The following CALD1 variants were observed in gnomAD, a reference collection of about 807,000 sequenced individuals.
CALD1 encodes the protein caldesmon 1.
A neutral mutation model predicts 99.9 loss-of-function variants in CALD1; 33 were observed. The observed-to-expected ratio is 0.33, with a 90% CI of 0.25 to 0.44. The LOEUF (loss-of-function observed/expected upper bound fraction) is 0.44. Ranked by LOEUF, CALD1 falls within the 20% of genes least tolerant of loss-of-function variation. The pLI is 1.00. For missense variants in CALD1, 861 were observed against 962.1 expected (o/e 0.89, Z 1.39); for synonymous variants, 310 against 325.0 (o/e 0.95, Z 0.50).
At chr7:134,725,791 C>T in the CALD1 span, among the ~76,000 whole-genome samples, 1 of 152,314 alleles carries the variant, frequency 6.6e-6, no homozygotes, top group Non-Finnish European at 1.5e-5. Context: ...GATGCCACCA[C>T]AAGTGTCATC....
At chr7:134,897,625 T>C (rs1177155083) in intron 3 of CALD1, among the ~76,000 whole-genome samples, 4 of 152,082 alleles carry the variant, frequency 2.6e-5, no homozygotes, top group Non-Finnish European at 5.9e-5. Context: ...GGAAGCTATG[T>C]TGGCTGGTGA....
Position 134,963,872 on chromosome 7 carries a change from A to T in CALD1, c.2296-1434A>T, listed in dbSNP as rs148548956. Among the ~76,000 whole-genome samples, 118 of 152,292 alleles carry T rather than the reference A, an allele frequency of 7.7e-4. 2 individuals carry two copies. In the East Asian group the frequency reaches 0.021, roughly 27 times the overall value. On this transcript the variant is annotated intron_variant, in intron 13 of 14. Coordinates refer to ENST00000361675, the MANE Select transcript of CALD1 (RefSeq NM_033138.4). The stretch of plus-strand genomic sequence containing the variant: ...CCCACTTGCCCCTCGGGAGACACAT[A>T]ATGATTTTAGGGTGAGGAAAATGCT...
intron 5 of CALD1, among the ~76,000 whole-genome samples, chr7:134,935,062 T>A (rs960757303): frequency 1.3e-5 from 2 of 152,142 alleles, no homozygotes; most frequent in Non-Finnish European, 2.9e-5. Context: ...TTTAGGGTAG[T>A]ATTGATTTAT....
intron 1 of CALD1, among the ~76,000 whole-genome samples, chr7:134,752,961 G>GACAGCACCAC (rs1329553195): frequency 2.9e-5 from 4 of 137,190 alleles, no homozygotes; most frequent in Non-Finnish European, 4.5e-5. Context: ...AGTGAGCCGA[G>GACAGCACCAC]ACAGCACCAC....
rs964515625 is a variant in CALD1, at chr7:134,911,198, CTT to C, written c.72-17537_72-17536del. Among the ~76,000 whole-genome samples the C allele has an allele frequency of 6.2e-3, 735 of 118,080 alleles. 4 individuals carry two copies. Among genetic ancestry groups the C allele is most frequent in the Admixed American group, 9.3e-3 (108 of 11,556 alleles). 77.5% of individuals were successfully genotyped at this position (118,080 alleles called of 152,430 possible). On this transcript the variant is annotated intron_variant, in intron 3 of 14. Transcript: ENST00000361675. ...AAACCTGAGAGGTCATTTCCTTTTT[CTT>C]TTTTTTTTTTTTTTTTTTGGTGAAT...
intron 1 of CALD1, among the ~76,000 whole-genome samples, chr7:134,745,859 T>C (rs1376123860): frequency 6.6e-6 from 1 of 152,250 alleles, no homozygotes; most frequent in African/African-American, 2.4e-5. Context: ...CAATTCTTGT[T>C]CTTTTTGCTG....
Position 134,947,521 on chromosome 7 carries a change from A to AG in CALD1, c.1549dup (p.Ala517GlyfsTer9). 6.4e-7 allele frequency: 1 copy of AG among 1,568,898 alleles called. No homozygotes were observed. The highest frequency in any genetic ancestry group is 8.6e-7 in the Non-Finnish European group (1 of 1,156,616). On this transcript the variant is annotated frameshift_variant, in exon 8 of 15. Coordinates refer to ENST00000361675, the MANE Select transcript of CALD1 (RefSeq NM_033138.4). LOFTEE classifies it high-confidence loss of function. The stretch of plus-strand genomic sequence containing the variant: ...CCCCAACCACAGCCGCCCTGGAGGG[A>AG]GGGCCAGCGTGGACACCAAGGAGGC...
Position 134,878,768 on chromosome 7 carries a change from C to A in CALD1, c.71+10964C>A, listed in dbSNP as rs138335635. ...CTTGAGCCCAGAAGTTTGAGACCAGCCTGAGCAACATAGGAAGACCTCATC... is the reference window on the plus strand; with the variant it reads ...CTTGAGCCCAGAAGTTTGAGACCAGACTGAGCAACATAGGAAGACCTCATC... On this transcript the variant is annotated intron_variant, in intron 3 of 14. Coordinates refer to ENST00000361675, the MANE Select transcript of CALD1 (RefSeq NM_033138.4). Among the ~76,000 whole-genome samples, 12 of 151,596 alleles carry A rather than the reference C, an allele frequency of 7.9e-5. No homozygotes were observed. In the East Asian group the frequency reaches 2.3e-3, roughly 29 times the overall value.
chr7:134,878,153 T>G (rs1269136739), intron 3 of CALD1, among the ~76,000 whole-genome samples: 3 of 152,120 alleles, frequency 2.0e-5, no homozygotes, highest in East Asian at 3.8e-4. Context: ...TCATACGAAT[T>G]TAGGTACTAG....
intron 1 of CALD1, among the ~76,000 whole-genome samples, chr7:134,835,913 A>T (rs1393569651): frequency 6.6e-6 from 1 of 152,108 alleles, no homozygotes; most frequent in East Asian, 1.9e-4. Flanking sequence ...TGGGAGGCCG[A>T]GTCAGGCGGA....
At chr7:134,790,675 A>G (rs911779240) in intron 1 of CALD1, among the ~76,000 whole-genome samples, 4 of 152,330 alleles carry the variant, frequency 2.6e-5, no homozygotes, top group Admixed American at 2.0e-4. Flanking sequence ...ATCTAGACCT[A>G]GAGCAGTTAA....
chr7:134,951,364 G>A (rs771605693), intron 9 of CALD1, among the ~76,000 whole-genome samples: 8 of 152,158 alleles, frequency 5.3e-5, no homozygotes, highest in East Asian at 1.9e-4. Context: ...AATGACATTC[G>A]GTGATTATCT....
intron 3 of CALD1, among the ~76,000 whole-genome samples, chr7:134,907,001 C>T (rs1803438711): frequency 6.6e-6 from 1 of 152,276 alleles, no homozygotes; most frequent in African/African-American, 2.4e-5. Context: ...GAGCCAATTT[C>T]CTCAACTATG....
intron 3 of CALD1, among the ~76,000 whole-genome samples, chr7:134,916,371 T>C (rs929276801): frequency 6.6e-6 from 1 of 151,868 alleles, no homozygotes; most frequent in African/African-American, 2.4e-5. Context: ...GCCACTCGAG[T>C]GGAAAGGAGC....
rs1403601060 is a variant in CALD1, at chr7:134,886,051, T to C, written c.71+18247T>C. On this transcript the variant is annotated intron_variant, in intron 3 of 14. Coordinates refer to ENST00000361675, the MANE Select transcript of CALD1 (RefSeq NM_033138.4). ...TCAGGAAAAGAAAATAGTCCAGTTGTTTAAAAAACCCTGGATTTTAAAAAG... is the reference window on the plus strand; with the variant it reads ...TCAGGAAAAGAAAATAGTCCAGTTGCTTAAAAAACCCTGGATTTTAAAAAG... Among the ~76,000 whole-genome samples the C allele has an allele frequency of 2.6e-5, 4 of 152,240 alleles. No homozygotes were observed. In the East Asian group the frequency reaches 7.7e-4, roughly 29 times the overall value.
rs761031070 is a variant in CALD1, at chr7:134,933,965, T to C, written c.1196T>C (p.Met399Thr). The change falls in exon 5 of 15, where the codon ATG (methionine) becomes ACG (threonine). Residue 399 changes from methionine to threonine, a missense_variant. Physicochemically the swap from Met to Thr is moderately conservative, Grantham distance 81 (BLOSUM62 -1). Transcript: ENST00000361675. ...NKQLEEKKHA[M>T]QETKIKGEKV... ...CAGCTAGAAGAGAAAAAACATGCCA[T>C]GCAAGAGACAAAGATAAAAGGGGAA... The C allele has an allele frequency of 7.4e-6, 12 of 1,613,828 alleles. No homozygotes were observed. Among genetic ancestry groups the C allele is most frequent in the Non-Finnish European group, 9.3e-6 (11 of 1,179,962 alleles).
chr7:134,813,359 T>C (rs572505212), intron 1 of CALD1, among the ~76,000 whole-genome samples: 26 of 152,272 alleles, frequency 1.7e-4, no homozygotes, highest in Admixed American at 5.9e-4. Context: ...TATTTTGACA[T>C]GCTTGTATGA....
intron 3 of CALD1, among the ~76,000 whole-genome samples, chr7:134,880,592 C>T (rs1801552326): frequency 6.6e-6 from 1 of 152,144 alleles, no homozygotes; most frequent in Admixed American, 6.5e-5. Flanking sequence ...TCTTCTGTTT[C>T]TCTCATCAAA....
intron 1 of CALD1, among the ~76,000 whole-genome samples, chr7:134,827,335 A>G (rs1432410925): frequency 2.0e-5 from 3 of 152,222 alleles, no homozygotes; most frequent in Non-Finnish European, 4.4e-5. Context: ...AAATGAATCC[A>G]GCACTATTTT....
Sources: gnomAD v4.1 joint callset for allele counts (sites outside exome capture counted in the v4.1 genomes callset) on GRCh38, gnomAD v4.1.1 for gene constraint, MANE v1.5 for transcripts, NCBI Gene and HGNC (gene_info 2026-07-23, HGNC 2026-07-21) for gene names.